ROBO2: variants seen among roughly 807,000 people sequenced by gnomAD.
The protein encoded by ROBO2 is roundabout guidance receptor 2.
Under a neutral mutation model 160.8 loss-of-function variants are expected in ROBO2, and 53 were observed. The ratio of observed to expected loss-of-function variants is 0.33; its 90% CI spans 0.26 to 0.41. The LOEUF is 0.41. Among genes scored for constraint, ROBO2 ranks in the 10% least tolerant of loss-of-function variants. The probability of loss-of-function intolerance (pLI) is 1.00; values close to 1 mark genes in which losing one functional copy is unlikely to be tolerated. For synonymous variants in ROBO2, 664 were observed against 611.7 expected, an observed-to-expected ratio of 1.09 and a Z score of -1.26; for missense variants, 1,577 against 1,722.4, an observed-to-expected ratio of 0.92 and a Z score of 1.49.
chr3:76,384,387 A>G (rs1024976599), intron 2 of ROBO2, among the ~76,000 whole-genome samples: 5 of 152,158 alleles, frequency 3.3e-5, no homozygotes, highest in Admixed American at 3.3e-4. Flanking sequence ...AGCCAACCCT[A>G]AGGACCCTGT....
At chr3:76,159,690 T>G (rs2072546874) in intron 2 of ROBO2, among the ~76,000 whole-genome samples, 1 of 152,090 alleles carries the variant, frequency 6.6e-6, no homozygotes, top group African/African-American at 2.4e-5. Flanking sequence ...AAAATGAAAG[T>G]AAAAACGTTA....
chr3:76,261,245 A>C (rs1250234763), intron 2 of ROBO2, among the ~76,000 whole-genome samples: 1 of 151,392 alleles, frequency 6.6e-6, no homozygotes, highest in Non-Finnish European at 1.5e-5. Context: ...ATTCTAATAT[A>C]AAGAGAGCTC....
chr3:75,959,842 A>T (rs1559784905), intron 2 of ROBO2, among the ~76,000 whole-genome samples: 1 of 151,764 alleles, frequency 6.6e-6, no homozygotes, highest in Non-Finnish European at 1.5e-5. Context: ...AAATATAAAT[A>T]TTATTATTAC....
rs1405305337 is a variant in ROBO2, at chr3:76,397,525, G to C, written c.109+459923G>C. Among the ~76,000 whole-genome samples the C allele has an allele frequency of 5.3e-5, 8 of 151,898 alleles. No homozygotes were observed. In the East Asian group the frequency reaches 9.7e-4, roughly 18 times the overall value. ...TGCACAGCAAAAGAAACTACCATCA[G>C]AGTGAACAGGCAACCTACAAAATGG... On this transcript the variant is annotated intron_variant, in intron 2 of 26. Transcript: ENST00000487694.
At chr3:77,075,483 G>C (rs1201072974) in intron 1 of ROBO2, among the ~76,000 whole-genome samples, 1 of 152,000 alleles carries the variant, frequency 6.6e-6, no homozygotes, top group Admixed American at 6.6e-5. Flanking sequence ...GGGGAGAGGT[G>C]CTCCTAGTAA....
intron 2 of ROBO2, among the ~76,000 whole-genome samples, chr3:76,662,026 A>C (rs2091843140): frequency 6.6e-6 from 1 of 152,158 alleles, no homozygotes; most frequent in African/African-American, 2.4e-5. Flanking sequence ...GTTAGTCTTA[A>C]GAAGTTCATT....
At chr3:76,221,073 A>G (rs527765823) in intron 2 of ROBO2, among the ~76,000 whole-genome samples, 3 of 152,194 alleles carry the variant, frequency 2.0e-5, no homozygotes, top group Non-Finnish European at 2.9e-5. Context: ...ACTCTTCTTT[A>G]CTTCCATTGA....
At chr3:77,174,881 A>G (rs1305408119) in intron 2 of ROBO2, among the ~76,000 whole-genome samples, 2 of 152,076 alleles carry the variant, frequency 1.3e-5, no homozygotes, top group East Asian at 3.9e-4. Flanking sequence ...TTTGGATTTC[A>G]AAAAGGCTTC....
chr3:76,231,822 G>C (rs373937605), intron 2 of ROBO2, among the ~76,000 whole-genome samples: 8 of 152,108 alleles, frequency 5.3e-5, no homozygotes, highest in Admixed American at 1.3e-4. Context: ...ATTATGTGTG[G>C]TATTCAGGCA....
At chr3:75,935,685 A>G (rs1240697284) in intron 1 of ROBO2, among the ~76,000 whole-genome samples, 5 of 152,158 alleles carry the variant, frequency 3.3e-5, no homozygotes, top group Admixed American at 6.6e-5. Context: ...ATGATTTTCA[A>G]TTTGAAGATG....
intron 2 of ROBO2, among the ~76,000 whole-genome samples, chr3:76,204,084 T>A (rs1470898613): frequency 2.6e-5 from 4 of 152,182 alleles, no homozygotes; most frequent in Non-Finnish European, 5.9e-5. Context: ...AGTCTCTAAG[T>A]GGTAACTAAA....
chr3:77,447,394 G>C (rs886576014), intron 2 of ROBO2, among the ~76,000 whole-genome samples: 4 of 152,010 alleles, frequency 2.6e-5, no homozygotes, highest in Admixed American at 2.6e-4. Context: ...CAGTAATGCT[G>C]TTGGATTATT....
intron 2 of ROBO2, among the ~76,000 whole-genome samples, chr3:77,244,899 A>G (rs992323196): frequency 2.0e-5 from 3 of 150,754 alleles, no homozygotes; most frequent in African/African-American, 4.9e-5. Context: ...AAAGAAAAAA[A>G]GAAAGAAAAG....
At chr3:77,293,485 G>A (rs1004240535) in intron 2 of ROBO2, among the ~76,000 whole-genome samples, 3 of 147,670 alleles carry the variant, frequency 2.0e-5, no homozygotes, top group Non-Finnish European at 2.9e-5. Flanking sequence ...GTAAGCTGAG[G>A]CTAGATCACC....
At chr3:77,092,675 T>C (rs985867816) in intron 1 of ROBO2, among the ~76,000 whole-genome samples, 2 of 147,800 alleles carry the variant, frequency 1.4e-5, no homozygotes, top group African/African-American at 4.9e-5. Context: ...TAATTAAAAC[T>C]TGACTGATTG....
intron 2 of ROBO2, among the ~76,000 whole-genome samples, chr3:76,949,039 C>A (rs1577743109): frequency 6.7e-6 from 1 of 150,114 alleles, no homozygotes; most frequent in Admixed American, 6.6e-5. Context: ...GCGTGAGCCA[C>A]CACGCCTGGC....
intron 2 of ROBO2, among the ~76,000 whole-genome samples, chr3:77,139,354 A>G (rs1208643304): frequency 6.6e-6 from 1 of 152,180 alleles, no homozygotes; most frequent in Admixed American, 6.5e-5. Flanking sequence ...TTCCATTAAT[A>G]CACTCCATTC....
At chr3:76,717,824 G>GCAAATTAAAAAAT (rs1560436720) in intron 2 of ROBO2, among the ~76,000 whole-genome samples, 3 of 151,684 alleles carry the variant, frequency 2.0e-5, no homozygotes, top group Admixed American at 6.6e-5. Context: ...CCATAACCAA[G>GCAAATTAAAAAAT]ATTTGCAGGT....
At chr3:77,143,139 A>T (rs1345171982) in intron 2 of ROBO2, among the ~76,000 whole-genome samples, 2 of 148,302 alleles carry the variant, frequency 1.3e-5, no homozygotes, top group Non-Finnish European at 3.0e-5. Context: ...CAGCTTTGCA[A>T]TTTACCTACC....
Sources: allele counts gnomAD v4.1 joint callset (sites outside exome capture counted in the v4.1 genomes callset), GRCh38; gene constraint gnomAD v4.1.1; transcripts MANE v1.5; gene names NCBI Gene and HGNC (gene_info 2026-07-23, HGNC 2026-07-21).